EHBP1: variants seen among roughly 807,000 people sequenced by gnomAD.
EHBP1 encodes the protein EH domain binding protein 1.
Under a neutral mutation model 144.0 loss-of-function variants are expected in EHBP1, and 55 were observed. The ratio of observed to expected loss-of-function variants is 0.38; its 90% confidence interval spans 0.31 to 0.48. The LOEUF is 0.48. Among genes scored for constraint, EHBP1 ranks in the 20% least tolerant of loss-of-function variants. The pLI, the probability that EHBP1 is intolerant of heterozygous loss-of-function variation, is 0.98. For synonymous variants in EHBP1, 469 were observed against 472.7 expected, an observed-to-expected ratio of 0.99 and a Z score of 0.10; for missense variants, 1,200 against 1,364.2, an observed-to-expected ratio of 0.88 and a Z score of 1.90.
intron 19 of EHBP1, among the ~76,000 whole-genome samples, chr2:63,028,937 G>C (rs910058403): frequency 2.0e-5 from 3 of 152,066 alleles, no homozygotes; most frequent in Non-Finnish European, 2.9e-5. Flanking sequence ...ATATTCTGTT[G>C]TCATTCTTTT....
chr2:62,975,230 A>G (rs753154811), intron 14 of EHBP1, among the ~76,000 whole-genome samples: 1 of 152,200 alleles, frequency 6.6e-6, no homozygotes, highest in Non-Finnish European at 1.5e-5. Context: ...AGAGGACAGA[A>G]TATAAGAATT....
At chr2:62,700,569 CTT>C (rs1334603876) in intron 1 of EHBP1, among the ~76,000 whole-genome samples, 1 of 152,132 alleles carries the variant, frequency 6.6e-6, no homozygotes, top group Non-Finnish European at 1.5e-5. Context: ...AGCAAGGACT[CTT>C]TTGGTCTGGT....
chr2:62,788,109 G>A (rs2042936175), intron 5 of EHBP1, among the ~76,000 whole-genome samples: 1 of 152,166 alleles, frequency 6.6e-6, no homozygotes, highest in South Asian at 2.1e-4. Flanking sequence ...TTTAAATTAA[G>A]TGGTTTAGAA....
chr2:62,913,133 T>A (rs2054350854), intron 10 of EHBP1, among the ~76,000 whole-genome samples: 1 of 152,248 alleles, frequency 6.6e-6, no homozygotes, highest in Non-Finnish European at 1.5e-5. Flanking sequence ...CCTTCCCACT[T>A]ATTTTTGGCT....
At chr2:62,988,792 T>C (rs2153221243) in intron 15 of EHBP1, among the ~76,000 whole-genome samples, 1 of 152,290 alleles carries the variant, frequency 6.6e-6, no homozygotes, top group African/African-American at 2.4e-5. Flanking sequence ...TGGTGATTTC[T>C]TTAGACTCAA....
chr2:62,766,795 T>C (rs2041224468), intron 4 of EHBP1, among the ~76,000 whole-genome samples: 1 of 152,124 alleles, frequency 6.6e-6, no homozygotes, highest in South Asian at 2.1e-4. Flanking sequence ...GGTAAAATCA[T>C]TTATTTCATT....
chr2:63,007,251 T>C (rs574501916), intron 19 of EHBP1, among the ~76,000 whole-genome samples: 19 of 152,024 alleles, frequency 1.2e-4, no homozygotes, highest in African/African-American at 3.6e-4. Context: ...CTGATTCTAA[T>C]AGAGGCTGCC....
intron 10 of EHBP1, among the ~76,000 whole-genome samples, chr2:62,927,152 C>A (rs945843512): frequency 1.3e-5 from 2 of 152,042 alleles, no homozygotes; most frequent in Non-Finnish European, 1.5e-5. Flanking sequence ...AAGTTGATCT[C>A]ATAGAAGTAA....
chr2:62,952,335 T>A (rs2057435169), intron 13 of EHBP1, among the ~76,000 whole-genome samples: 1 of 152,242 alleles, frequency 6.6e-6, no homozygotes. Flanking sequence ...TTGTACAAAG[T>A]ATTTCAATTC....
At chr2:63,044,451 T>C (rs998973198) in intron 21 of EHBP1, 4 of 152,120 alleles carry the variant, frequency 2.6e-5, no homozygotes, top group African/African-American at 4.8e-5. Flanking sequence ...TGCAGTGTAA[T>C]ATTGCAGAGC....
chr2:62,836,693 C>T (rs2047289733), intron 7 of EHBP1, among the ~76,000 whole-genome samples: 1 of 121,714 alleles, frequency 8.2e-6, no homozygotes, highest in African/African-American at 3.1e-5. Context: ...GTGAAGAATG[C>T]AGAAGCCTCA....
intron 1 of EHBP1, among the ~76,000 whole-genome samples, chr2:62,686,629 A>G (rs1009074779): frequency 1.3e-5 from 2 of 152,254 alleles, no homozygotes; most frequent in African/African-American, 4.8e-5. Flanking sequence ...GTATCTGGAA[A>G]CAGCTAAAAC....
At chr2:62,874,704 T>C (rs1005445342) in intron 10 of EHBP1, among the ~76,000 whole-genome samples, 172 bp downstream of exon 10, 2 of 152,224 alleles carry the variant, frequency 1.3e-5, no homozygotes, top group Non-Finnish European at 2.9e-5. Flanking sequence ...CCCATAAGTT[T>C]ACAGTACAGT....
intron 14 of EHBP1, among the ~76,000 whole-genome samples, chr2:62,960,414 A>G (rs2057942471): frequency 6.6e-6 from 1 of 152,068 alleles, no homozygotes; most frequent in African/African-American, 2.4e-5. Context: ...GTGAAATAGC[A>G]CTTCTATAAA....
intron 10 of EHBP1, among the ~76,000 whole-genome samples, chr2:62,928,590 T>C (rs1020846248): frequency 2.6e-5 from 4 of 152,042 alleles, no homozygotes; most frequent in African/African-American, 7.2e-5. Flanking sequence ...CTTATTAATA[T>C]TATTTTCCAG....
In EHBP1 at chr2:62,864,178, T is replaced by C. The variant is rs557461938; in HGVS notation, c.758-553T>C. Among the ~76,000 whole-genome samples, 3 of 152,276 alleles carry C rather than the reference T, an allele frequency of 2.0e-5. No homozygotes were observed. In the East Asian group the frequency reaches 5.8e-4, roughly 29 times the overall value. ...TTTTATTTTTGAATTGAGGTCATGC[T>C]CTGTCACCCAGGCTGGAGTGCAGTG... On this transcript the variant is annotated intron_variant, in intron 8 of 22. Coordinates refer to ENST00000431489, the MANE Select transcript of EHBP1 (RefSeq NM_001142616.3).
At chr2:62,851,356 G>C (rs992550822) in intron 7 of EHBP1, among the ~76,000 whole-genome samples, 8 of 152,144 alleles carry the variant, frequency 5.3e-5, no homozygotes, top group South Asian at 4.1e-4. Context: ...AGTGTGTCAT[G>C]TTCTCTTTGC....
At chr2:62,731,272 C>T (rs951042299) in intron 2 of EHBP1, among the ~76,000 whole-genome samples, 1 of 152,108 alleles carries the variant, frequency 6.6e-6, no homozygotes, top group Admixed American at 6.6e-5. Context: ...TTGTATCCTG[C>T]AATCTTGCTA....
chr2:62,696,508 C>CTTTTTTTTTTTTTTTTTTTTTTTTTTTTT (rs869081763), intron 1 of EHBP1, among the ~76,000 whole-genome samples: 2 of 76,750 alleles, frequency 2.6e-5, no homozygotes, highest in Non-Finnish European at 2.3e-5. Context: ...TTTTTTTCTT[C>CTTTTTTTTTTTTTTTTTTTTTTTTTTTTT]TTTTTTTTTT....
Sources: allele counts gnomAD v4.1 joint callset (sites outside exome capture counted in the v4.1 genomes callset), GRCh38; gene constraint gnomAD v4.1.1; transcripts MANE v1.5; gene names NCBI Gene and HGNC (gene_info 2026-07-23, HGNC 2026-07-21).